The following CERKL variants were observed in gnomAD, a reference collection of about 807,000 sequenced individuals.
CERKL encodes CERK like autophagy regulator, also known as ceramide kinase-like protein.
A neutral mutation model predicts 63.4 loss-of-function variants in CERKL; 61 were observed. The ratio of observed to expected loss-of-function variants is 0.96; its 90% CI spans 0.78 to 1.19. CERKL has a LOEUF of 1.19. Ranked by LOEUF, CERKL falls within the 50% of genes most tolerant of loss-of-function variation. The probability of loss-of-function intolerance (pLI) is 0.00; values close to 1 mark genes in which losing one functional copy is unlikely to be tolerated. For missense variants in CERKL, 675 were observed against 655.5 expected, an observed-to-expected ratio of 1.03 and a Z score of -0.33; for synonymous variants, 250 against 230.5, an observed-to-expected ratio of 1.08 and a Z score of -0.77.
chr2:181,569,146 G>T (rs13020564), intron 3 of CERKL, among the ~76,000 whole-genome samples: 52,813 of 151,824 alleles, frequency 0.35, 9,757 homozygotes, highest in South Asian at 0.65. Flanking sequence ...TCGTCCCCAG[G>T]TATAAAGTTC....
intron 3 of CERKL, 104 bp downstream of exon 3, chr2:181,573,649 G>C (rs981953551): frequency 1.0e-6 from 1 of 963,472 alleles, no homozygotes. Flanking sequence ...AAATGCTATA[G>C]ATATTACAAG....
rs755065546 is a variant in CERKL, at chr2:181,657,029, G to T, written c.-23C>A. On this transcript the variant is annotated 5_prime_UTR_variant, in exon 1 of 13. Coordinates refer to ENST00000410087, the MANE Select transcript of CERKL (RefSeq NM_201548.5). ...CATGGCGGAGTCGCAGGCTGGGCCC[G>T]AGCCAGGGGTCCGGGGAGGCCTTTG... 4 of 1,561,616 alleles carry T rather than the reference G, an allele frequency of 2.6e-6. No individual in the cohort carries two copies.
At chr2:181,639,646 T>C (rs1427721329) in intron 1 of CERKL, among the ~76,000 whole-genome samples, 1 of 152,176 alleles carries the variant, frequency 6.6e-6, no homozygotes, top group African/African-American at 2.4e-5. Flanking sequence ...AGATGTCAGA[T>C]AGACTCTTGC....
chr2:181,570,806 C>A (rs1350496708), intron 3 of CERKL, among the ~76,000 whole-genome samples: 13 of 152,006 alleles, frequency 8.6e-5, no homozygotes, highest in Non-Finnish European at 1.5e-4. Context: ...AGCTGTAATT[C>A]TTCATATTAT....
chr2:181,639,679 T>C (rs74629173), intron 1 of CERKL, among the ~76,000 whole-genome samples: 2,236 of 152,268 alleles, frequency 0.015, 59 homozygotes, highest in African/African-American at 0.05. Flanking sequence ...GGAAGCAACA[T>C]AACCAAATGG....
chr2:181,551,405 C>T (rs1687981439), intron 5 of CERKL, among the ~76,000 whole-genome samples: 1 of 151,962 alleles, frequency 6.6e-6, no homozygotes, highest in African/African-American at 2.4e-5. Flanking sequence ...AAAATTTTTG[C>T]AATGTACCCA....
chr2:181,648,988 T>C (rs568715614), intron 1 of CERKL, among the ~76,000 whole-genome samples: 9 of 151,196 alleles, frequency 6.0e-5, no homozygotes, highest in African/African-American at 1.9e-4. Context: ...ACCACAGAGG[T>C]AAACAAGAGA....
intron 2 of CERKL, among the ~76,000 whole-genome samples, chr2:181,593,393 T>G (rs887816129): frequency 6.6e-6 from 1 of 152,140 alleles, no homozygotes; most frequent in Non-Finnish European, 1.5e-5. Context: ...GGTAAACAGT[T>G]TAAAGAGCTT....
intron 1 of CERKL, among the ~76,000 whole-genome samples, chr2:181,608,987 T>C (rs1269747348): frequency 6.6e-6 from 1 of 152,084 alleles, no homozygotes; most frequent in African/African-American, 2.4e-5. Context: ...CTTAGCAAAA[T>C]GATTCTAGAC....
intron 5 of CERKL, among the ~76,000 whole-genome samples, chr2:181,553,160 CAAGTAGTGTAG>C (rs1346848313): frequency 6.6e-6 from 1 of 152,172 alleles, no homozygotes; most frequent in Non-Finnish European, 1.5e-5. Context: ...GTTTTGAGAA[CAAGTAGTGTAG>C]AAACCTGTTA....
chr2:181,652,051 A>G (rs1341763971), intron 1 of CERKL, among the ~76,000 whole-genome samples: 4 of 152,138 alleles, frequency 2.6e-5, no homozygotes, highest in African/African-American at 9.7e-5. Context: ...GATTGAAATA[A>G]TTATATTGTT....
chr2:181,548,333 G>A, intron 8 of CERKL: 2 of 584,714 alleles, frequency 3.4e-6, no homozygotes, highest in South Asian at 2.2e-5. Flanking sequence ...GAGAGACAGG[G>A]GGAAGGAAGG....
intron 1 of CERKL, among the ~76,000 whole-genome samples, chr2:181,631,067 G>T (rs779360820): frequency 6.6e-6 from 1 of 152,152 alleles, no homozygotes; most frequent in Non-Finnish European, 1.5e-5. Flanking sequence ...AGTCAACATA[G>T]CAAGGGATGC....
intron 2 of CERKL, 83 bp downstream of exon 2, chr2:181,603,754 T>A: frequency 7.3e-7 from 1 of 1,372,728 alleles, no homozygotes; most frequent in Non-Finnish European, 1.0e-6. Context: ...TCACTAAAGT[T>A]GTTTTTACTC....
rs1459584741 is a variant in CERKL at position 181,536,758 on chromosome 2, C to A, written c.*1426G>T. The A allele has an allele frequency of 2.0e-5, 5 of 244,666 alleles. No homozygotes were observed. Among genetic ancestry groups the A allele is most frequent in the Admixed American group, 5.1e-5 (1 of 19,594 alleles). 15.2% of individuals were successfully genotyped at this position (244,666 alleles called of 1,614,324 possible). ...TGACTTTCTGGATTTTAAAAAATTT[C>A]TTTAAATACAATCATTTTTGTAATA... On this transcript the variant is annotated 3_prime_UTR_variant, in exon 13 of 13. Coordinates refer to ENST00000410087, the MANE Select transcript of CERKL (RefSeq NM_201548.5).
chr2:181,564,553 C>T (rs1207611754), intron 4 of CERKL, among the ~76,000 whole-genome samples: 1 of 152,162 alleles, frequency 6.6e-6, no homozygotes, highest in Non-Finnish European at 1.5e-5. Flanking sequence ...TTGTACTACA[C>T]TTCAGCAATC....
intron 2 of CERKL, among the ~76,000 whole-genome samples, chr2:181,594,194 T>C (rs188702726): frequency 6.6e-6 from 1 of 152,276 alleles, no homozygotes; most frequent in Admixed American, 6.5e-5. Context: ...TGAACACTTA[T>C]TATATGTGAA....
At chr2:181,541,286 G>C (rs1195296190) in intron 11 of CERKL, among the ~76,000 whole-genome samples, 1 of 152,210 alleles carries the variant, frequency 6.6e-6, no homozygotes, top group Non-Finnish European at 1.5e-5. Flanking sequence ...CCATGTGCCA[G>C]CCAGAGAGAG....
chr2:181,579,053 T>C lies in CERKL; in HGVS notation c.482-5169A>G, dbSNP rs925156478. 3.9e-5 allele frequency among the ~76,000 whole-genome samples: 6 copies of C among 152,028 alleles called. 1 individual carries two copies. The highest frequency in any genetic ancestry group is 1.5e-4 in the African/African-American group (6 of 41,284). ...TTGAGAAAAAGGAAATGGTCTCAAA[T>C]CTTCACTCTGTCATTTATTAACTGT... is the stretch of plus-strand genomic sequence containing the variant. On this transcript the variant is annotated intron_variant, in intron 2 of 12. Transcript: ENST00000410087.
Sources: gnomAD v4.1 joint callset for allele counts (sites outside exome capture counted in the v4.1 genomes callset) on GRCh38, gnomAD v4.1.1 for gene constraint, MANE v1.5 for transcripts, NCBI Gene and HGNC (gene_info 2026-07-23, HGNC 2026-07-21) for gene names.